The following AGFG2 variants were observed in gnomAD, a reference collection of about 807,000 sequenced individuals.
AGFG2 encodes the protein arf-GAP domain and FG repeat-containing protein 2.
A neutral mutation model predicts 48.0 loss-of-function variants in AGFG2; 31 were observed. The observed-to-expected ratio is 0.65, with a 90% CI of 0.49 to 0.87. AGFG2 has a LOEUF of 0.87. Among genes scored for constraint, AGFG2 ranks in the 40% least tolerant of loss-of-function variants. The probability of loss-of-function intolerance (pLI) is 0.00; values close to 1 mark genes in which losing one functional copy is unlikely to be tolerated. For synonymous variants in AGFG2, 229 were observed against 260.8 expected (o/e 0.88, Z 1.18); for missense variants, 599 against 632.6 (o/e 0.95, Z 0.57).
intron 3 of AGFG2, among the ~76,000 whole-genome samples, chr7:100,551,030 T>TTTTATTTA (rs1378400368): frequency 3.6e-5 from 2 of 56,036 alleles, no homozygotes; most frequent in African/African-American, 1.9e-4. Context: ...CCTGGCTAAT[T>TTTTATTTA]TATATATATA....
At position 100,548,888 on chromosome 7, in the gene AGFG2, A is replaced by C. The variant is rs764799474; in HGVS notation, c.288A>C (p.Val96=). 2 of 1,613,760 alleles carry C rather than the reference A, an allele frequency of 1.2e-6. No homozygotes were observed. The highest frequency in any genetic ancestry group is 2.2e-5 in the South Asian group (2 of 91,074). ...TGACAACTTTCACTGAGCCTGAAGT[A>C]GTATTCCTGCAATCCCGTGGAAATG... The part of the protein sequence containing the change: ...ISMTTFTEPE[V]VFLQSRGNEV... Residue 96 remains valine (V), a synonymous_variant, in exon 2 of 12, where the codon GTA becomes GTC. Coordinates refer to ENST00000300176, the MANE Select transcript of AGFG2 (RefSeq NM_006076.5).
chr7:100,550,621 T>A, intron 3 of AGFG2, 110 bp downstream of exon 3: 1 of 738,282 alleles, frequency 1.4e-6, no homozygotes, highest in Non-Finnish European at 2.3e-6. Flanking sequence ...TAGACTTGGG[T>A]CGATTCTGTT....
intron 1 of AGFG2, among the ~76,000 whole-genome samples, chr7:100,541,136 G>T (rs747922991): frequency 6.6e-6 from 1 of 152,004 alleles, no homozygotes; most frequent in Non-Finnish European, 1.5e-5. Context: ...AACTTATCCA[G>T]TGCCATATGG....
intron 1 of AGFG2, among the ~76,000 whole-genome samples, chr7:100,547,598 C>T (rs1800537352): frequency 6.6e-6 from 1 of 152,036 alleles, no homozygotes; most frequent in African/African-American, 2.4e-5. Flanking sequence ...CTGGCTTAGC[C>T]CCAAGTTTCC....
chr7:100,541,862 G>A (rs1279024100), intron 1 of AGFG2, among the ~76,000 whole-genome samples: 9 of 152,072 alleles, frequency 5.9e-5, no homozygotes, highest in Admixed American at 5.2e-4. Context: ...GGATGAAACT[G>A]ATGGATAAAA....
Position 100,548,898 on chromosome 7 carries a change from C to T in AGFG2, c.298C>T (p.Gln100Ter), listed in dbSNP as rs1289408008. 2 of 1,613,504 alleles carry T rather than the reference C, an allele frequency of 1.2e-6. No individual in the cohort carries two copies. Among genetic ancestry groups the T allele is most frequent in the African/African-American group, 2.7e-5 (2 of 74,856 alleles). The change falls in exon 2 of 12, where the codon CAA becomes TAA. Residue 100 changes from glutamine (Q) to a stop codon, truncating the protein, a stop_gained. Coordinates refer to ENST00000300176, the MANE Select transcript of AGFG2 (RefSeq NM_006076.5). LOFTEE classifies it high-confidence loss of function. Reference protein sequence around the residue: ...TFTEPEVVFLQSRGNEVCRKI... With the variant: ...TFTEPEVVFL ...CACTGAGCCTGAAGTAGTATTCCTG[C>T]AATCCCGTGGAAATGAGGTGAGCTG...
intron 3 of AGFG2, among the ~76,000 whole-genome samples, chr7:100,551,066 A>ATATATATATG (rs1562791920): frequency 1.4e-5 from 1 of 69,718 alleles, no homozygotes; most frequent in African/African-American, 6.4e-5. Flanking sequence ...ATATATATAT[A>ATATATATATG]TTTCTTTTTT....
At chr7:100,557,558 C>T (rs948428526) in intron 6 of AGFG2, among the ~76,000 whole-genome samples, 1 of 152,162 alleles carries the variant, frequency 6.6e-6, no homozygotes, top group Non-Finnish European at 1.5e-5. Flanking sequence ...GCCTCAGCCT[C>T]CTGAGTAGCA....
intron 6 of AGFG2, chr7:100,556,270 G>A: frequency 5.1e-6 from 1 of 197,910 alleles, no homozygotes; most frequent in Non-Finnish European, 1.1e-5. Context: ...AGTGATTATT[G>A]TGCCATTGCA....
chr7:100,551,052 ATATATATATATATATTTC>A (rs1800625349), intron 3 of AGFG2, among the ~76,000 whole-genome samples: 2 of 76,492 alleles, frequency 2.6e-5, no homozygotes, highest in African/African-American at 9.0e-5. Flanking sequence ...ATATATATAT[ATATATATATATATATTTC>A]TTTTTTTTTT....
chr7:100,546,553 C>T (rs932510213), intron 1 of AGFG2, among the ~76,000 whole-genome samples: 1 of 152,148 alleles, frequency 6.6e-6, no homozygotes, highest in Non-Finnish European at 1.5e-5. Flanking sequence ...TTGTGAGCTC[C>T]TGGTGATAAG....
At chr7:100,549,255 C>G (rs937216778) in intron 2 of AGFG2, among the ~76,000 whole-genome samples, 10 of 152,182 alleles carry the variant, frequency 6.6e-5, no homozygotes, top group Admixed American at 2.6e-4. Context: ...GGAGCCAGCT[C>G]TGCTGCCTTC....
Position 100,556,583 on chromosome 7 carries a change from C to T in AGFG2, c.877+848C>T, listed in dbSNP as rs78392177. ...TCTACCCACCCTTCTCTTCTCCACC[C>T]TCACTGCCAGCCAGTCGGATGCTAA... On this transcript the variant is annotated intron_variant, in intron 6 of 11. Coordinates refer to ENST00000300176, the MANE Select transcript of AGFG2 (RefSeq NM_006076.5). The T allele has an allele frequency of 9.9e-4, 1,276 of 1,289,266 alleles. 11 individuals are homozygous for T. The African/African-American group carries it at 0.018, about 18-fold the overall frequency. 79.9% of individuals were successfully genotyped at this position (1,289,266 alleles called of 1,614,324 possible). A position where few individuals can be genotyped will look rare whatever the true frequency, so the allele number is the denominator to read the frequency against.
rs866024170 is a variant in AGFG2, at chr7:100,551,098, C to T, written c.431+587C>T. On this transcript the variant is annotated intron_variant, in intron 3 of 11. Transcript: ENST00000300176. ...TTTTTTTTTTTTTTTGAGACAGAGT[C>T]TCGCTCTGTCACCCAGGCTGGAGTG... Among the ~76,000 whole-genome samples the T allele has an allele frequency of 1.0e-3, 116 of 113,702 alleles. 2 individuals carry two copies. In the South Asian group the frequency reaches 0.03, roughly 30 times the overall value. 74.6% of individuals were successfully genotyped at this position (113,702 alleles called of 152,430 possible). A position where few individuals can be genotyped will look rare whatever the true frequency, so the allele number is the denominator to read the frequency against.
chr7:100,560,952 C>T (rs914157950), intron 6 of AGFG2, among the ~76,000 whole-genome samples: 23 of 151,008 alleles, frequency 1.5e-4, no homozygotes, highest in Non-Finnish European at 3.2e-4. Flanking sequence ...GTTGGAACTA[C>T]AGGCACCCGC....
chr7:100,560,902 C>T (rs1800856075), intron 6 of AGFG2, among the ~76,000 whole-genome samples: 1 of 150,034 alleles, frequency 6.7e-6, no homozygotes, highest in South Asian at 2.1e-4. Flanking sequence ...AACTCCACCT[C>T]CCGGGTTCAC....
intron 1 of AGFG2, among the ~76,000 whole-genome samples, chr7:100,547,597 C>A (rs1800537283): frequency 6.6e-6 from 1 of 152,072 alleles, no homozygotes; most frequent in African/African-American, 2.4e-5. Context: ...CCTGGCTTAG[C>A]CCCAAGTTTC....
rs741784 is a variant in AGFG2, at chr7:100,562,302, C to T, written c.921C>T (p.Pro307=). 2,246 of 1,614,090 alleles carry T rather than the reference C, an allele frequency of 1.4e-3. 24 individuals carry two copies. The African/African-American group carries it at 0.028, about 20-fold the overall frequency. The change falls in exon 7 of 12, where the codon CCC becomes CCT. Residue 307 remains proline (P), a synonymous_variant. Coordinates refer to ENST00000300176, the MANE Select transcript of AGFG2 (RefSeq NM_006076.5). This position sits in a 1 kb window ranked among gnomAD's most constrained non-coding sequence, Gnocchi z 5.4. ...GTPFGATPLA[P]ASQPNSLADV... ...CATTTGGTGCCACTCCCCTGGCACC[C>T]GCCAGTCAGCCAAACAGCCTCGCAG...
At chr7:100,564,466 T>C (rs1800962701) in intron 11 of AGFG2, among the ~76,000 whole-genome samples, 163 bp downstream of exon 11, 1 of 151,960 alleles carries the variant, frequency 6.6e-6, no homozygotes, top group South Asian at 2.1e-4. Context: ...TTCTGGGCAC[T>C]GGCATCTCCC....
Sources: gnomAD v4.1 joint callset for allele counts (sites outside exome capture counted in the v4.1 genomes callset) on GRCh38, gnomAD v4.1.1 for gene constraint, Gnocchi (gnomAD v3.1) non-coding constraint, MANE v1.5 for transcripts, NCBI Gene and HGNC (gene_info 2026-07-23, HGNC 2026-07-21) for gene names.